EYS: variants seen among roughly 807,000 people sequenced by gnomAD.
The protein encoded by EYS is EGF-like photoreceptor maintenance factor, also known as protein eyes shut homolog.
EYS carries 250 observed loss-of-function variants against 282.1 expected under a neutral mutation model. The observed-to-expected ratio is 0.89, with a 90% CI of 0.80 to 0.98. The LOEUF is 0.98. EYS is among the 50% of genes least tolerant of loss of function. The probability of loss-of-function intolerance (pLI) is 0.00; values close to 1 mark genes in which losing one functional copy is unlikely to be tolerated. For missense variants in EYS, 4,016 were observed against 3,709.0 expected (o/e 1.08, Z -2.15); for synonymous variants, 1,355 against 1,282.9 (o/e 1.06, Z -1.20).
intron 8 of EYS, among the ~76,000 whole-genome samples, chr6:65,364,371 T>C (rs1365320604): frequency 6.6e-6 from 1 of 151,356 alleles, no homozygotes; most frequent in East Asian, 1.9e-4. Context: ...CAGTTACAGA[T>C]ATACTAGAGT....
At position 63,720,112 on chromosome 6, in the gene EYS, G is replaced by C. The variant is rs986051048; in HGVS notation, c.*484C>G. Reference sequence around the variant, plus strand: ...TGTTGAATCATATAAATAAGTTGTAGCTAAGCCATGTAATACAATATGGTT... The same window carrying C: ...TGTTGAATCATATAAATAAGTTGTACCTAAGCCATGTAATACAATATGGTT... On this transcript the variant is annotated 3_prime_UTR_variant, in exon 43 of 43. Transcript: ENST00000503581. 6.3e-6 allele frequency: 1 copy of C among 158,164 alleles called. No individual in the cohort carries two copies. The highest frequency in any genetic ancestry group is 1.4e-5 in the Non-Finnish European group (1 of 72,320). 9.8% of individuals were successfully genotyped at this position (158,164 alleles called of 1,614,324 possible).
chr6:64,592,454 G>T (rs925447949), intron 25 of EYS, among the ~76,000 whole-genome samples: 2 of 152,054 alleles, frequency 1.3e-5, no homozygotes, highest in Non-Finnish European at 2.9e-5. Flanking sequence ...AAATTACATA[G>T]ATGAAAAATA....
At chr6:64,338,901 C>T (rs1402045658) in intron 29 of EYS, among the ~76,000 whole-genome samples, 6 of 151,836 alleles carry the variant, frequency 4.0e-5, no homozygotes, top group Admixed American at 6.6e-5. Flanking sequence ...CCCTTTTTAA[C>T]AAATGGTGCT....
chr6:64,655,493 A>G (rs1768712440), intron 22 of EYS, among the ~76,000 whole-genome samples: 1 of 151,998 alleles, frequency 6.6e-6, no homozygotes, highest in African/African-American at 2.4e-5. Context: ...TTAGCCCTTC[A>G]TTGTGGAGCA....
chr6:64,469,469 G>A (rs867442449), intron 26 of EYS, among the ~76,000 whole-genome samples: 1 of 151,920 alleles, frequency 6.6e-6, no homozygotes, highest in Non-Finnish European at 1.5e-5. Context: ...CTCTATAATC[G>A]TAACCGAGGA....
intron 12 of EYS, among the ~76,000 whole-genome samples, chr6:65,089,648 C>A (rs571344905): frequency 1.3e-5 from 2 of 152,076 alleles, no homozygotes; most frequent in South Asian, 4.2e-4. Context: ...GTTAATGCTG[C>A]AATGAGCTAA....
At position 64,567,552 on chromosome 6, in the gene EYS, T is replaced by A. The variant is rs186054950; in HGVS notation, c.5644+22671A>T. ...TAAGAAAATAAACATAATGCAATAC[T>A]GGAAAGAATGAAGGAATCACTTGGT... On this transcript the variant is annotated intron_variant, in intron 26 of 42. Coordinates refer to ENST00000503581, the MANE Select transcript of EYS (RefSeq NM_001142800.2). 1.9e-3 allele frequency among the ~76,000 whole-genome samples: 288 copies of A among 152,186 alleles called. No individual in the cohort carries two copies. The South Asian group carries it at 0.021, about 11-fold the overall frequency.
intron 29 of EYS, among the ~76,000 whole-genome samples, chr6:64,358,805 T>C (rs1184088221): frequency 1.3e-5 from 2 of 151,638 alleles, no homozygotes; most frequent in Non-Finnish European, 3.0e-5. Flanking sequence ...AAAGCAGTAA[T>C]AGGATAGACA....
intron 15 of EYS, among the ~76,000 whole-genome samples, chr6:64,942,770 G>T (rs1283238970): frequency 7.2e-6 from 1 of 139,796 alleles, no homozygotes; most frequent in Non-Finnish European, 1.5e-5. Flanking sequence ...ATGGATTCAC[G>T]CCAAATTTTA....
intron 5 of EYS, among the ~76,000 whole-genome samples, chr6:65,488,764 G>T (rs868149225): frequency 1.1e-4 from 17 of 152,134 alleles, no homozygotes; most frequent in Admixed American, 2.0e-4. Context: ...GCATGGTACT[G>T]GTACCAAAAC....
intron 22 of EYS, among the ~76,000 whole-genome samples, chr6:64,636,870 C>A (rs1313927815): frequency 7.1e-6 from 1 of 140,298 alleles, no homozygotes; most frequent in African/African-American, 2.7e-5. Context: ...CAGAGAAATG[C>A]AAATCGAAAC....
chr6:64,349,383 T>C lies in EYS; in HGVS notation c.6078+39307A>G, dbSNP rs537823116. On this transcript the variant is annotated intron_variant, in intron 29 of 42. Coordinates refer to ENST00000503581, the MANE Select transcript of EYS (RefSeq NM_001142800.2). The stretch of plus-strand genomic sequence containing the variant: ...GCTAATTGTATCAACTCCTATATGA[T>C]TTTATCATGAACTTATTATTTATTG... Among the ~76,000 whole-genome samples the C allele has an allele frequency of 3.5e-3, 535 of 151,338 alleles. 3 individuals carry two copies. Among genetic ancestry groups the C allele is most frequent in the Non-Finnish European group, 4.9e-3 (330 of 67,456 alleles).
At chr6:64,244,502 A>G (rs1385655072) in intron 30 of EYS, among the ~76,000 whole-genome samples, 3 of 152,168 alleles carry the variant, frequency 2.0e-5, no homozygotes, top group Non-Finnish European at 1.5e-5. Context: ...GTTTTTATTC[A>G]TCTAGGTTAG....
At chr6:64,357,396 AT>A (rs1247378879) in intron 29 of EYS, among the ~76,000 whole-genome samples, 1 of 151,622 alleles carries the variant, frequency 6.6e-6, no homozygotes. Context: ...GACAAGTGAT[AT>A]TTTTATTTTT....
intron 15 of EYS, among the ~76,000 whole-genome samples, chr6:64,914,256 G>T (rs780928652): frequency 6.6e-6 from 1 of 152,120 alleles, no homozygotes; most frequent in African/African-American, 2.4e-5. Context: ...CAAACTGTAG[G>T]TGTGTTCAAG....
At chr6:65,613,397 G>A (rs1487805286) in intron 2 of EYS, among the ~76,000 whole-genome samples, 2 of 151,724 alleles carry the variant, frequency 1.3e-5, no homozygotes, top group African/African-American at 4.8e-5. Flanking sequence ...GTTCATCATA[G>A]TAATTATGAA....
intron 22 of EYS, among the ~76,000 whole-genome samples, chr6:64,640,600 A>G (rs1768101344): frequency 6.6e-6 from 1 of 151,834 alleles, no homozygotes; most frequent in African/African-American, 2.4e-5. Context: ...GGATAGCATT[A>G]GGATATATAC....
chr6:64,118,876 T>A (rs138403193), intron 31 of EYS, among the ~76,000 whole-genome samples: 415 of 152,164 alleles, frequency 2.7e-3, no homozygotes, highest in Non-Finnish European at 4.3e-3. Flanking sequence ...AATCTAATTT[T>A]AAAATGGGCA....
At chr6:63,833,223 C>T (rs1771697402) in intron 36 of EYS, among the ~76,000 whole-genome samples, 1 of 152,048 alleles carries the variant, frequency 6.6e-6, no homozygotes, top group Non-Finnish European at 1.5e-5. Context: ...CCAGGGCAAT[C>T]AAGCAAGAGA....
Sources: allele counts gnomAD v4.1 joint callset (sites outside exome capture counted in the v4.1 genomes callset), GRCh38; gene constraint gnomAD v4.1.1; transcripts MANE v1.5; gene names NCBI Gene and HGNC (gene_info 2026-07-23, HGNC 2026-07-21).